The following PCDHA5 variants were observed in gnomAD, a reference collection of about 807,000 sequenced individuals.
The protein encoded by PCDHA5 is protocadherin alpha-5.
A neutral mutation model predicts 61.6 loss-of-function variants in PCDHA5; 43 were observed. The ratio of observed to expected loss-of-function variants is 0.70; its 90% confidence interval spans 0.55 to 0.90. PCDHA5 has a LOEUF of 0.90. PCDHA5 is among the 40% of genes least tolerant of loss of function. The pLI is 0.00. For missense variants in PCDHA5, 1,298 were observed against 1,222.7 expected, an observed-to-expected ratio of 1.06 and a Z score of -0.92; for synonymous variants, 627 against 543.9, an observed-to-expected ratio of 1.15 and a Z score of -2.13.
intron 3 of PCDHA5, among the ~76,000 whole-genome samples, chr5:140,986,619 C>T (rs1212565136): frequency 6.6e-6 from 1 of 152,134 alleles, no homozygotes; most frequent in Non-Finnish European, 1.5e-5. Flanking sequence ...CAGGCCTTAC[C>T]TAAGGCAACA....
intron 1 of PCDHA5, among the ~76,000 whole-genome samples, chr5:140,844,016 T>G (rs1779187078): frequency 6.7e-6 from 1 of 149,762 alleles, no homozygotes; most frequent in Non-Finnish European, 1.5e-5. Flanking sequence ...CTAAGGACGT[T>G]CAGGGCATTT....
chr5:140,831,497 A>G (rs1771562992), intron 1 of PCDHA5, among the ~76,000 whole-genome samples: 2 of 106,812 alleles, frequency 1.9e-5, no homozygotes, highest in Non-Finnish European at 3.8e-5. Context: ...GTTACTACAC[A>G]CGAGCACCAC....
intron 1 of PCDHA5, chr5:140,927,441 G>A: frequency 5.0e-6 from 8 of 1,614,130 alleles, no homozygotes; most frequent in Non-Finnish European, 4.2e-6. Context: ...GCGAATACCC[G>A]GAGTTGGTGT....
At chr5:140,996,590 C>G (rs1325471388) in intron 3 of PCDHA5, among the ~76,000 whole-genome samples, 7 of 152,096 alleles carry the variant, frequency 4.6e-5, no homozygotes, top group African/African-American at 1.7e-4. Context: ...CAAGGGCCGC[C>G]TCCCCCCATT....
intron 1 of PCDHA5, among the ~76,000 whole-genome samples, chr5:140,903,237 T>G (rs1191816509): frequency 1.3e-5 from 2 of 152,194 alleles, no homozygotes; most frequent in Non-Finnish European, 2.9e-5. Flanking sequence ...ACTTTTTGAT[T>G]TTTAAATTAT....
Position 140,823,678 on chromosome 5 carries a change from T to A in PCDHA5, c.1903T>A (p.Ser635Thr). 6.2e-7 allele frequency: 1 copy of A among 1,613,954 alleles called. No homozygotes were observed. Among genetic ancestry groups the A allele is most frequent in the South Asian group, 1.1e-5 (1 of 91,090 alleles). Reference sequence around the variant, plus strand: ...CACAGGCGAGATCAGCACAACACGCTCTCTGGATGAGACCGAAGCACCGCG... The same window carrying A: ...CACAGGCGAGATCAGCACAACACGCACTCTGGATGAGACCGAAGCACCGCG... The part of the protein sequence containing the change: ...LYTGEISTTR[S>T]LDETEAPRHR... The change falls in exon 1 of 4, where the codon TCT becomes ACT. Residue 635 changes from serine to threonine, a missense_variant. Coordinates refer to ENST00000529859, the MANE Select transcript of PCDHA5 (RefSeq NM_018908.3).
chr5:140,917,338 G>GGGGGGGGGGGGGGGGGA (rs2078134893), intron 1 of PCDHA5, among the ~76,000 whole-genome samples: 1 of 137,894 alleles, frequency 7.3e-6, no homozygotes, highest in Non-Finnish European at 1.6e-5. Flanking sequence ...GGAGGGGGGG[G>GGGGGGGGGGGGGGGGGA]ATGGTGTAGG....
intron 1 of PCDHA5, chr5:140,837,051 A>G (rs1246258340): frequency 3.1e-5 from 6 of 195,270 alleles, no homozygotes. Context: ...AAATATTTAC[A>G]TTTCCATATT....
At chr5:140,851,973 C>A in intron 1 of PCDHA5, 1 of 976,422 alleles carries the variant, frequency 1.0e-6, no homozygotes, top group African/African-American at 1.8e-5. Flanking sequence ...CCACACTCTA[C>A]CTTTAGTGCA....
chr5:140,841,020 C>T (rs186269491), intron 1 of PCDHA5, among the ~76,000 whole-genome samples: 2 of 151,914 alleles, frequency 1.3e-5, no homozygotes, highest in African/African-American at 4.8e-5. Flanking sequence ...AGTATGAATG[C>T]CTCTGCAATT....
chr5:140,998,569 GTT>G (rs71574497), intron 3 of PCDHA5, among the ~76,000 whole-genome samples: 14 of 149,410 alleles, frequency 9.4e-5, no homozygotes, highest in Admixed American at 6.7e-4. Flanking sequence ...TTGTAAATAA[GTT>G]TTTTTTTTTT....
intron 1 of PCDHA5, chr5:140,883,696 G>A (rs142212706): frequency 6.2e-7 from 1 of 1,613,818 alleles, no homozygotes; most frequent in Non-Finnish European, 8.5e-7. Flanking sequence ...ACATCTTCAC[G>A]GTGTCTGCTC....
intron 1 of PCDHA5, among the ~76,000 whole-genome samples, chr5:140,974,407 A>T (rs1441174003): frequency 6.6e-6 from 1 of 152,244 alleles, no homozygotes; most frequent in African/African-American, 2.4e-5. Flanking sequence ...TTCTAAAGTT[A>T]TGTTTATTTT....
In PCDHA5 at chr5:140,894,992, T is replaced by C. The variant is rs78280553; in HGVS notation, c.2352+70865T>C. Among the ~76,000 whole-genome samples, 440 of 152,300 alleles carry C rather than the reference T, an allele frequency of 2.9e-3. 1 individual carries two copies. The highest frequency in any genetic ancestry group is 0.01 in the African/African-American group (421 of 41,556). On this transcript the variant is annotated intron_variant, in intron 1 of 3. Transcript: ENST00000529859. ...TAATGTCTTACTTTGTGACATCCTT[T>C]ACCCTTTTTACTTGGACCTTTTTCC...
At chr5:140,975,206 T>G (rs2096657939) in intron 1 of PCDHA5, among the ~76,000 whole-genome samples, 1 of 152,232 alleles carries the variant, frequency 6.6e-6, no homozygotes, top group African/African-American at 2.4e-5. Context: ...TCTTCATGGC[T>G]GGCACTGGAG....
chr5:140,878,253 G>A lies in PCDHA5; in HGVS notation c.2352+54126G>A, dbSNP rs182369955. 2.6e-3 allele frequency among the ~76,000 whole-genome samples: 400 copies of A among 152,208 alleles called. 1 individual carries two copies. The highest frequency in any genetic ancestry group is 9.2e-3 in the African/African-American group (384 of 41,530). Reference sequence around the variant, plus strand: ...AATGGATTCTTTAACTCTTCCTCACGTGCTTAGGCTTTTAAAATAGCCTTC... The same window carrying A: ...AATGGATTCTTTAACTCTTCCTCACATGCTTAGGCTTTTAAAATAGCCTTC... On this transcript the variant is annotated intron_variant, in intron 1 of 3. Transcript: ENST00000529859.
intron 1 of PCDHA5, chr5:140,870,530 T>C (rs2052115440): frequency 6.2e-7 from 1 of 1,614,198 alleles, no homozygotes; most frequent in African/African-American, 1.3e-5. Flanking sequence ...ATCTTCACAG[T>C]GTCGGCGCGG....
intron 1 of PCDHA5, chr5:140,966,538 C>G: frequency 2.2e-6 from 1 of 463,262 alleles, no homozygotes; most frequent in Non-Finnish European, 3.7e-6. Flanking sequence ...GGTTGAGCGA[C>G]TCGGAGGCGA....
At chr5:140,882,567 C>T (rs1554174625) in intron 1 of PCDHA5, 12 of 1,614,092 alleles carry the variant, frequency 7.4e-6, no homozygotes, top group East Asian at 2.2e-5. Context: ...GGGCGGAGCG[C>T]GGAGTGCAGC....
Sources: gnomAD v4.1 joint callset for allele counts (sites outside exome capture counted in the v4.1 genomes callset) on GRCh38, gnomAD v4.1.1 for gene constraint, MANE v1.5 for transcripts, NCBI Gene and HGNC (gene_info 2026-07-23, HGNC 2026-07-21) for gene names.